The following BDP1 variants were observed in gnomAD, a reference collection of about 807,000 sequenced individuals.
BDP1 encodes BDP1 general transcription factor IIIB subunit, also known as transcription factor TFIIIB component B'' homolog.
Under a neutral mutation model 266.6 loss-of-function variants are expected in BDP1, and 169 were observed. The ratio of observed to expected loss-of-function variants is 0.63; its 90% CI spans 0.56 to 0.72. The LOEUF is 0.72. Ranked by LOEUF, BDP1 falls within the 30% of genes least tolerant of loss-of-function variation. BDP1 has a pLI of 0.00. For missense variants in BDP1, 3,015 were observed against 3,053.8 expected, an observed-to-expected ratio of 0.99 and a Z score of 0.30; for synonymous variants, 1,090 against 1,022.4, an observed-to-expected ratio of 1.07 and a Z score of -1.26.
intron 7 of BDP1, among the ~76,000 whole-genome samples, chr5:71,471,687 G>A (rs1353983572): frequency 1.3e-5 from 2 of 152,064 alleles, no homozygotes; most frequent in African/African-American, 4.8e-5. Flanking sequence ...AAGTTTTCTG[G>A]GTTTAAGTGC....
At chr5:71,475,988 T>TACCCCCTAGGCCATTCATTCTTC (rs1207697629) in intron 7 of BDP1, 1 of 152,752 alleles carries the variant, frequency 6.5e-6, no homozygotes, top group African/African-American at 2.4e-5. Flanking sequence ...GTGGCTTCTT[T>TACCCCCTAGGCCATTCATTCTTC]ACCCCCTAGG....
At chr5:71,552,686 GT>G (rs1742927208) in intron 34 of BDP1, among the ~76,000 whole-genome samples, 1 of 149,654 alleles carries the variant, frequency 6.7e-6, no homozygotes, top group Non-Finnish European at 1.5e-5. Flanking sequence ...CAGGTGTGGT[GT>G]CGCGCGCCTG....
At position 71,486,601 on chromosome 5, in the gene BDP1, C is replaced by A; in HGVS notation, c.1187C>A (p.Ser396Tyr). ...AATCACAGTTTAAAGGAGAAGAAAT[C>A]CACCAAACCACGGAAAAATGTAAAA... ...VKNHSLKEKK[S>Y]TKPRKNVKVK... The change falls in exon 9 of 39, where the codon TCC becomes TAC. Residue 396 changes from serine to tyrosine, a missense_variant. Physicochemically the swap from Ser to Tyr is moderately radical, Grantham distance 144 (BLOSUM62 -2). Around this residue, in one of 3 missense-constraint regions of BDP1, gnomAD observed 2,383 missense variants for 2,404.9 expected, o/e 0.99. Coordinates refer to ENST00000358731, the MANE Select transcript of BDP1 (RefSeq NM_018429.3). 1 of 1,525,528 alleles carries A rather than the reference C, an allele frequency of 6.6e-7. No individual in the cohort carries two copies. The highest frequency in any genetic ancestry group is 8.7e-7 in the Non-Finnish European group (1 of 1,149,694). The allele number at this position is 1,525,528 out of a possible 1,614,324, so 94.5% of individuals were successfully genotyped here. A position where few individuals can be genotyped will look rare whatever the true frequency, so the allele number is the denominator to read the frequency against.
At position 71,531,440 on chromosome 5, in the gene BDP1, G is replaced by A. The variant is rs577647828; in HGVS notation, c.5773-868G>A. Among the ~76,000 whole-genome samples the A allele has an allele frequency of 1.7e-3, 262 of 152,156 alleles. 3 individuals are homozygous for A. The highest frequency in any genetic ancestry group is 5.6e-3 in the African/African-American group (234 of 41,520). Reference sequence around the variant, plus strand: ...GCTGTTGCCCTGGGTATCAAGAATCGTGCAGGCTTTGGGGTTTTGGGAGAA... The same window carrying A: ...GCTGTTGCCCTGGGTATCAAGAATCATGCAGGCTTTGGGGTTTTGGGAGAA... On this transcript the variant is annotated intron_variant, in intron 25 of 38. Transcript: ENST00000358731.
intron 7 of BDP1, among the ~76,000 whole-genome samples, chr5:71,476,797 G>A (rs1417833705): frequency 6.6e-6 from 1 of 152,086 alleles, no homozygotes; most frequent in Non-Finnish European, 1.5e-5. Context: ...TCCGCCTCCC[G>A]GGTTCACACC....
In BDP1 at chr5:71,473,619, A is replaced by AT. The variant is rs912993377; in HGVS notation, c.1014+3139dup. ...TCCAATTGTTGGTGTGTTTTTATTGATTTTTTTTTGTTACTGTTTAGCACT... is the reference window on the plus strand; with the variant it reads ...TCCAATTGTTGGTGTGTTTTTATTGATTTTTTTTTTGTTACTGTTTAGCACT... On this transcript the variant is annotated intron_variant, in intron 7 of 38. Transcript: ENST00000358731. 1.6e-3 allele frequency among the ~76,000 whole-genome samples: 237 copies of AT among 150,428 alleles called. No homozygotes were observed. In the Middle Eastern group the frequency reaches 0.024, roughly 15 times the overall value.
chr5:71,566,226 T>A lies in BDP1; in HGVS notation c.*1341T>A, dbSNP rs1744024339. ...AATTTCCATACAAAGCTCAATCTCC[T>A]TTATACACCCACAGACATAATATTA... On this transcript the variant is annotated 3_prime_UTR_variant, in exon 39 of 39. Transcript: ENST00000358731. 1 of 153,086 alleles carries A rather than the reference T, an allele frequency of 6.5e-6. No individual in the cohort carries two copies. The highest frequency in any genetic ancestry group is 1.5e-5 in the Non-Finnish European group (1 of 68,378). The allele number at this position is 153,086 out of a possible 1,614,324, so 9.5% of individuals were successfully genotyped here.
intron 32 of BDP1, among the ~76,000 whole-genome samples, chr5:71,546,607 G>T (rs1356281527): frequency 4.1e-5 from 3 of 73,374 alleles, no homozygotes; most frequent in African/African-American, 1.6e-4. Context: ...GACAGAACAA[G>T]ACTCTGTCTC....
intron 20 of BDP1, among the ~76,000 whole-genome samples, chr5:71,515,824 C>T (rs955002907): frequency 6.6e-6 from 1 of 152,132 alleles, no homozygotes; most frequent in Non-Finnish European, 1.5e-5. Flanking sequence ...AACCACCATT[C>T]TATCTGTATA....
chr5:71,495,311 C>T lies in BDP1; in HGVS notation c.1702C>T (p.Pro568Ser). ...TTCAGAATCAAGCACTTCAGATTTGCCTTCATTCGAAGTTGGAATTAGAGC... is the reference window on the plus strand; with the variant it reads ...TTCAGAATCAAGCACTTCAGATTTGTCTTCATTCGAAGTTGGAATTAGAGC... ...ESSESSTSDL[P>S]SFEVGIRALC... Residue 568 changes from proline (P) to serine (S), a missense_variant, in exon 12 of 39, where the codon CCT becomes TCT. Coordinates refer to ENST00000358731, the MANE Select transcript of BDP1 (RefSeq NM_018429.3). The T allele has an allele frequency of 6.2e-7, 1 of 1,606,162 alleles. No homozygotes were observed. Among genetic ancestry groups the T allele is most frequent in the Non-Finnish European group, 8.5e-7 (1 of 1,175,460 alleles).
chr5:71,525,246 G>A (rs451961), intron 25 of BDP1, among the ~76,000 whole-genome samples: 55,606 of 147,622 alleles, frequency 0.38, 11,193 homozygotes, highest in South Asian at 0.47. Flanking sequence ...CGGATGGGGT[G>A]GCTGGCCAGG....
At chr5:71,522,701 T>C in intron 23 of BDP1, 55 bp from the exon 24 acceptor site, 1 of 1,503,514 alleles carries the variant, frequency 6.7e-7, no homozygotes, top group Non-Finnish European at 8.9e-7. Context: ...CCAAACCAAA[T>C]TAACATAGAG....
At chr5:71,564,613 A>G (rs1459339243) in intron 38 of BDP1, 141 bp from the exon 39 acceptor site, 2 of 677,524 alleles carry the variant, frequency 3.0e-6, no homozygotes, top group African/African-American at 3.8e-5. Context: ...GTGATTGTGA[A>G]CATATTTAAA....
rs377098147 is a variant in BDP1, at chr5:71,532,217, C to T, written c.5773-91C>T. 7.6e-6 allele frequency: 8 copies of T among 1,052,828 alleles called. No individual in the cohort carries two copies. In the South Asian group the frequency reaches 9.0e-5, roughly 12 times the overall value. 65.2% of individuals were successfully genotyped at this position (1,052,828 alleles called of 1,614,324 possible). ...AATGTGGATTATTTCTTCATTTTAG[C>T]GTTTCATCTTACTTATTCATGTTGA... On this transcript the variant is annotated intron_variant, in intron 25 of 38. Transcript: ENST00000358731.
intron 13 of BDP1, among the ~76,000 whole-genome samples, chr5:71,498,353 C>T (rs1764019417): frequency 6.6e-6 from 1 of 152,208 alleles, no homozygotes; most frequent in African/African-American, 2.4e-5. Context: ...GCCTCAGCTT[C>T]CCAGTGTGCT....
At chr5:71,573,675 A>G in the BDP1 span, among the ~76,000 whole-genome samples, 1 of 152,222 alleles carries the variant, frequency 6.6e-6, no homozygotes. Context: ...CTGTGTGCAG[A>G]CCAGGCTAGA....
chr5:71,514,987 G>T lies in BDP1; in HGVS notation c.4514G>T (p.Gly1505Val). Reference sequence around the variant, plus strand: ...ATATCAAGAGAAAAAGACACATTAGGTCACAGGAATGAGGAGGCTGTGATA... The same window carrying T: ...ATATCAAGAGAAAAAGACACATTAGTTCACAGGAATGAGGAGGCTGTGATA... ...LMISREKDTL[G>V]HRNEEAVILP... The change falls in exon 20 of 39, where the codon GGT becomes GTT. Residue 1505 changes from glycine to valine, a missense_variant. Gly to Val is a moderately radical substitution (Grantham distance 109, BLOSUM62 -3). Coordinates refer to ENST00000358731, the MANE Select transcript of BDP1 (RefSeq NM_018429.3). The T allele has an allele frequency of 6.2e-7, 1 of 1,611,384 alleles. No homozygotes were observed. Among genetic ancestry groups the T allele is most frequent in the South Asian group, 1.1e-5 (1 of 90,306 alleles).
intron 32 of BDP1, among the ~76,000 whole-genome samples, chr5:71,547,425 A>G (rs1391819868): frequency 4.6e-5 from 7 of 152,108 alleles, no homozygotes; most frequent in Non-Finnish European, 1.0e-4. Context: ...TTTATATCAC[A>G]TCGGGAGACA....
rs1433734174 is a variant in BDP1 at position 71,502,807 on chromosome 5, C to G, written c.2241+16C>G. The G allele has an allele frequency of 6.3e-7, 1 of 1,597,600 alleles. No individual in the cohort carries two copies. The highest frequency in any genetic ancestry group is 1.8e-5 in the Admixed American group (1 of 56,598). ...TGATAGAGATGTAAGTACTCTGATT[C>G]CTCCTCACATTTTTGGTAAGCAAGT... On this transcript the variant is annotated intron_variant, in intron 15 of 38. Coordinates refer to ENST00000358731, the MANE Select transcript of BDP1 (RefSeq NM_018429.3).
Sources: gnomAD v4.1 joint callset for allele counts (sites outside exome capture counted in the v4.1 genomes callset) on GRCh38, gnomAD v4.1.1 for gene constraint, gnomAD v4.1.1 regional missense constraint, MANE v1.5 for transcripts, NCBI Gene and HGNC (gene_info 2026-07-23, HGNC 2026-07-21) for gene names.